ZBTB34: variants seen among roughly 807,000 people sequenced by gnomAD.
ZBTB34 encodes zinc finger and BTB domain-containing protein 34.
A neutral mutation model predicts 33.4 loss-of-function variants in ZBTB34; 1 was observed. That is an observed-to-expected ratio of 0.03 (90% confidence interval 0.01 to 0.14). The LOEUF (loss-of-function observed/expected upper bound fraction) is 0.14, where lower values mean the gene tolerates loss of function less well. Ranked by LOEUF, ZBTB34 falls within the 10% of genes least tolerant of loss-of-function variation. The pLI, the probability that ZBTB34 is intolerant of heterozygous loss-of-function variation, is 1.00. For missense variants in ZBTB34, 406 were observed against 657.2 expected, an observed-to-expected ratio of 0.62 and a Z score of 4.18; for synonymous variants, 283 against 253.5, an observed-to-expected ratio of 1.12 and a Z score of -1.11.
At chr9:126,872,969 G>C (rs552379404) in intron 1 of ZBTB34, among the ~76,000 whole-genome samples, 2 of 152,240 alleles carry the variant, frequency 1.3e-5, no homozygotes, top group East Asian at 3.9e-4. Context: ...AAGTAGTTAA[G>C]GAAAAAACAG....
chr9:126,862,773 G>GT (rs143677742), intron 1 of ZBTB34, among the ~76,000 whole-genome samples: 8,612 of 152,176 alleles, frequency 0.057, 268 homozygotes, highest in Middle Eastern at 0.095. Context: ...TGGAGTGGGA[G>GT]TTTTTTTAAG....
At chr9:126,865,477 T>C (rs187614480) in intron 1 of ZBTB34, among the ~76,000 whole-genome samples, 107 of 152,350 alleles carry the variant, frequency 7.0e-4, no homozygotes, top group African/African-American at 2.4e-3. Flanking sequence ...GTTGTTGATA[T>C]GTGGAGACAG....
chr9:126,877,315 A>G (rs1477329686), intron 1 of ZBTB34, among the ~76,000 whole-genome samples: 2 of 152,314 alleles, frequency 1.3e-5, no homozygotes, highest in African/African-American at 2.4e-5. Flanking sequence ...GCTTTATCAC[A>G]TATCTGTCCA....
intron 1 of ZBTB34, among the ~76,000 whole-genome samples, chr9:126,876,091 G>A (rs2033352571): frequency 7.0e-6 from 1 of 143,512 alleles, no homozygotes; most frequent in African/African-American, 2.6e-5. Flanking sequence ...TAGCTATTGG[G>A]CTTGGGTTCT....
chr9:126,880,365 G>T lies in ZBTB34; in HGVS notation c.966G>T (p.Gly322=). The T allele has an allele frequency of 1.9e-6, 3 of 1,613,856 alleles. No individual in the cohort carries two copies. The highest frequency in any genetic ancestry group is 2.5e-6 in the Non-Finnish European group (3 of 1,179,876). Residue 322 remains glycine (G), a synonymous_variant, in exon 2 of 2, where the codon GGG becomes GGT. Transcript: ENST00000319119. The surrounding 1 kb of genome is among the most constrained non-coding windows in gnomAD (Gnocchi z 6.7). Reference sequence around the variant, plus strand: ...CCATGCTGAGCTGTTTCCGAGGAGGGCGTGCCCGCCAGAAGCGGGCTTTGT... The same window carrying T: ...CCATGCTGAGCTGTTTCCGAGGAGGTCGTGCCCGCCAGAAGCGGGCTTTGT...
rs754417374 is a variant in ZBTB34 at position 126,880,294 on chromosome 9, G to C, written c.895G>C (p.Val299Leu). The C allele has an allele frequency of 6.2e-7, 1 of 1,613,978 alleles. No individual in the cohort carries two copies. Among genetic ancestry groups the C allele is most frequent in the African/African-American group, 1.3e-5 (1 of 75,056 alleles). Residue 299 changes from valine (V) to leucine (L), a missense_variant, in exon 2 of 2, where the codon GTA becomes CTA. Physicochemically the swap from Val to Leu is conservative, Grantham distance 32. Transcript: ENST00000319119. The surrounding 1 kb of genome is among the most constrained non-coding windows in gnomAD (Gnocchi z 6.7). ...CCAAGCAGCCTCACAGCCAACCAAT[G>C]TATCAGAAGCTTTTGGAAGTTTGAG...
chr9:126,882,659 A>G (rs1457727196), exon 2 of ZBTB34: 3 of 167,114 alleles, frequency 1.8e-5, no homozygotes, highest in Non-Finnish European at 4.4e-5. Context: ...ATAGGAGAAC[A>G]GTGCAGCCAC....
chr9:126,867,192 A>T (rs1325517973), intron 1 of ZBTB34, among the ~76,000 whole-genome samples: 1 of 140,032 alleles, frequency 7.1e-6, no homozygotes, highest in Non-Finnish European at 1.5e-5. Context: ...TGTCTCTCTT[A>T]CACTTTTGTA....
At position 126,880,653 on chromosome 9, in the gene ZBTB34, A is replaced by G; in HGVS notation, c.1254A>G (p.Gln418=). The G allele has an allele frequency of 6.2e-7, 1 of 1,613,864 alleles. No individual in the cohort carries two copies. The highest frequency in any genetic ancestry group is 8.5e-7 in the Non-Finnish European group (1 of 1,179,884). The change falls in exon 2 of 2, where the codon CAA becomes CAG. Residue 418 remains glutamine (Q), a synonymous_variant. Transcript: ENST00000319119. The surrounding 1 kb of genome is among the most constrained non-coding windows in gnomAD (Gnocchi z 6.7). The stretch of plus-strand genomic sequence containing the variant: ...GGAAGAAGTACACACGGAAGGACCA[A>G]CTGGAGTACCACATCCGGGGCCATA...
chr9:126,870,023 T>C (rs1259914779), intron 1 of ZBTB34, among the ~76,000 whole-genome samples: 1 of 152,202 alleles, frequency 6.6e-6, no homozygotes, highest in East Asian at 1.9e-4. Context: ...AAATCCAGCT[T>C]GTATGTGCTT....
intron 1 of ZBTB34, among the ~76,000 whole-genome samples, chr9:126,867,967 A>G (rs966167371): frequency 6.6e-6 from 1 of 152,176 alleles, no homozygotes; most frequent in South Asian, 2.1e-4. Flanking sequence ...AATGTTACAT[A>G]TAAGGGCAGT....
chr9:126,861,867 C>G (rs950909126), intron 1 of ZBTB34, among the ~76,000 whole-genome samples: 3 of 152,196 alleles, frequency 2.0e-5, no homozygotes, highest in Non-Finnish European at 4.4e-5. Flanking sequence ...CCCCCCTCCC[C>G]CATCCTTCCT....
At chr9:126,873,274 T>G (rs901194885) in intron 1 of ZBTB34, among the ~76,000 whole-genome samples, 30 of 152,172 alleles carry the variant, frequency 2.0e-4, no homozygotes, top group African/African-American at 7.0e-4. Flanking sequence ...ATGCATTTAT[T>G]TATTTTTGAG....
intron 1 of ZBTB34, among the ~76,000 whole-genome samples, chr9:126,877,742 C>T (rs970038658): frequency 2.0e-5 from 3 of 152,308 alleles, no homozygotes; most frequent in East Asian, 1.9e-4. Flanking sequence ...CGGTGGCTCA[C>T]GCCTGTTATC....
chr9:126,863,756 G>A (rs1228009080), intron 1 of ZBTB34: 2 of 979,662 alleles, frequency 2.0e-6, no homozygotes, highest in African/African-American at 1.8e-5. Flanking sequence ...AGGACTTAAT[G>A]TATTTTCCAG....
At chr9:126,862,202 T>G (rs2033151299) in intron 1 of ZBTB34, among the ~76,000 whole-genome samples, 4 of 152,110 alleles carry the variant, frequency 2.6e-5, no homozygotes, top group Admixed American at 6.5e-5. Context: ...TCAGGCCCAG[T>G]GATCCTATGG....
At chr9:126,884,041 G>A (rs1251581123) in exon 2 of ZBTB34, 1 of 167,054 alleles carries the variant, frequency 6.0e-6, no homozygotes, top group African/African-American at 2.4e-5. Flanking sequence ...ACAGTTTTAG[G>A]TTAGGTGTTT....
chr9:126,880,352 G>A lies in ZBTB34; in HGVS notation c.953G>A (p.Cys318Tyr). 6.2e-7 allele frequency: 1 copy of A among 1,613,966 alleles called. No homozygotes were observed. The highest frequency in any genetic ancestry group is 8.5e-7 in the Non-Finnish European group (1 of 1,179,900). ...AGCCCATCCAGGTCCATGCTGAGCT[G>A]TTTCCGAGGAGGGCGTGCCCGCCAG... is the stretch of plus-strand genomic sequence containing the variant. Residue 318 changes from cysteine to tyrosine, a missense_variant, in exon 2 of 2, where the codon TGT becomes TAT. Transcript: ENST00000319119. The surrounding 1 kb of genome is among the most constrained non-coding windows in gnomAD (Gnocchi z 6.7).
chr9:126,865,691 A>C (rs2033191291), intron 1 of ZBTB34, among the ~76,000 whole-genome samples: 1 of 152,190 alleles, frequency 6.6e-6, no homozygotes, highest in South Asian at 2.1e-4. Context: ...ACTTAAAGAT[A>C]CTAGCCAATG....
Sources: allele counts gnomAD v4.1 joint callset (sites outside exome capture counted in the v4.1 genomes callset), GRCh38; gene constraint gnomAD v4.1.1; non-coding constraint Gnocchi (gnomAD v3.1); transcripts MANE v1.5; gene names NCBI Gene and HGNC (gene_info 2026-07-23, HGNC 2026-07-21).